Variants in MPP7 observed in about 807,000 individuals in gnomAD.
The protein encoded by MPP7 is MAGUK p55 scaffold protein 7.
A neutral mutation model predicts 76.5 loss-of-function variants in MPP7; 60 were observed. That is an observed-to-expected ratio of 0.78 (90% CI 0.64 to 0.97). The LOEUF (loss-of-function observed/expected upper bound fraction) is 0.97, where lower values mean the gene tolerates loss of function less well. Ranked by LOEUF, MPP7 falls within the 50% of genes least tolerant of loss-of-function variation. MPP7 has a pLI of 0.00. For synonymous variants in MPP7, 237 were observed against 244.5 expected (o/e 0.97, Z 0.29); for missense variants, 641 against 694.0 (o/e 0.92, Z 0.86).
intron 2 of MPP7, among the ~76,000 whole-genome samples, chr10:28,202,705 T>G (rs1837818709): frequency 6.6e-6 from 1 of 152,150 alleles, no homozygotes; most frequent in South Asian, 2.1e-4. Flanking sequence ...GGTTTTGTAG[T>G]GTCCAAATAG....
chr10:28,204,442 CAAAAAAAAA>C (rs35353394), intron 2 of MPP7, among the ~76,000 whole-genome samples: 3 of 95,026 alleles, frequency 3.2e-5, no homozygotes, highest in African/African-American at 1.1e-4. Context: ...AACTCCGTCT[CAAAAAAAAA>C]AAAAAAAAAA....
At chr10:28,111,116 T>C (rs781124150) in intron 11 of MPP7, among the ~76,000 whole-genome samples, 6 of 152,120 alleles carry the variant, frequency 3.9e-5, no homozygotes, top group Admixed American at 2.6e-4. Flanking sequence ...TACCTTTAAT[T>C]TCCTCTGAGA....
At chr10:28,329,531 A>AG (rs1196798090) in intron 2 of MPP7, among the ~76,000 whole-genome samples, 45 of 148,858 alleles carry the variant, frequency 3.0e-4, no homozygotes, top group African/African-American at 1.0e-3. Flanking sequence ...CGGGAGGCTG[A>AG]GGCAGGAGAA....
rs1835848349 is a variant in MPP7 at position 28,150,481 on chromosome 10, T to G, written c.157-422A>C. On this transcript the variant is annotated intron_variant, in intron 3 of 16. Transcript: ENST00000683449. ...TTATGATTAAAGCAAAGCAATAAAC[T>G]GTCAGCCACATTTTGGCAGGTTGGT... Among the ~76,000 whole-genome samples, 4 of 152,332 alleles carry G rather than the reference T, an allele frequency of 2.6e-5. No homozygotes were observed. In the South Asian group the frequency reaches 8.3e-4, roughly 32 times the overall value.
chr10:28,262,188 TATATATATATATATATATAC>T (rs1348888612), intron 1 of MPP7, among the ~76,000 whole-genome samples: 140 of 886 alleles, frequency 0.16, 7 homozygotes, highest in African/African-American at 0.24. Flanking sequence ...AAATAAATTA[TATATATATATATATATATAC>T]ATATATATAT....
chr10:28,296,419 C>T (rs1841036455), intron 1 of MPP7, among the ~76,000 whole-genome samples: 1 of 152,194 alleles, frequency 6.6e-6, no homozygotes, highest in Non-Finnish European at 1.5e-5. Flanking sequence ...ACACACACAC[C>T]CCAACCACTG....
At position 28,248,213 on chromosome 10, in the gene MPP7, G is replaced by T. The variant is rs146154123; in HGVS notation, c.-131-9478C>A. Among the ~76,000 whole-genome samples the T allele has an allele frequency of 2.1e-4, 32 of 152,224 alleles. 1 individual carries two copies. Among genetic ancestry groups the T allele is most frequent in the African/African-American group, 7.5e-4 (31 of 41,546 alleles). On this transcript the variant is annotated intron_variant, in intron 1 of 16. Transcript: ENST00000683449. ...CTCTTAGACTAACACACCCTGGAAT[G>T]AATCTATCTGATTAGGAGAACTTAC...
chr10:28,079,374 C>G (rs543821694), intron 12 of MPP7, among the ~76,000 whole-genome samples: 76 of 151,720 alleles, frequency 5.0e-4, no homozygotes, highest in African/African-American at 1.7e-3. Context: ...AGAAACAAGC[C>G]AGGTGCAGCA....
chr10:28,113,566 A>T (rs936968025), intron 11 of MPP7, among the ~76,000 whole-genome samples: 1 of 152,138 alleles, frequency 6.6e-6, no homozygotes, highest in African/African-American at 2.4e-5. Context: ...GAGAGAGGAC[A>T]TCTGGTCACA....
At chr10:28,272,195 C>T (rs1486966971) in intron 1 of MPP7, among the ~76,000 whole-genome samples, 1 of 152,108 alleles carries the variant, frequency 6.6e-6, no homozygotes, top group Non-Finnish European at 1.5e-5. Flanking sequence ...GACTATTCAC[C>T]CATCTTCAGC....
At chr10:28,254,119 A>C (rs1408032323) in intron 1 of MPP7, among the ~76,000 whole-genome samples, 1 of 151,876 alleles carries the variant, frequency 6.6e-6, no homozygotes, top group Non-Finnish European at 1.5e-5. Flanking sequence ...ACAATGTTTC[A>C]AAAGATTCTT....
Position 28,162,059 on chromosome 10 carries a change from G to A in MPP7, c.157-12000C>T, listed in dbSNP as rs1233864810. On this transcript the variant is annotated intron_variant, in intron 3 of 16. Transcript: ENST00000683449. ...TCTACTACTCTGAAATCCGGCTGAA[G>A]TTTCCTCTCAGATCAGCTATAACAA... Among the ~76,000 whole-genome samples, 5 of 152,282 alleles carry A rather than the reference G, an allele frequency of 3.3e-5. No individual in the cohort carries two copies. In the East Asian group the frequency reaches 9.6e-4, roughly 29 times the overall value.
At chr10:28,255,459 G>C (rs1839754599) in intron 1 of MPP7, among the ~76,000 whole-genome samples, 1 of 150,634 alleles carries the variant, frequency 6.6e-6, no homozygotes, top group African/African-American at 2.4e-5. Context: ...CTGTCACCCA[G>C]GTTGGAGTGC....
At chr10:28,057,231 C>T (rs1851589867) in intron 15 of MPP7, among the ~76,000 whole-genome samples, 1 of 152,180 alleles carries the variant, frequency 6.6e-6, no homozygotes, top group Middle Eastern at 3.2e-3. Flanking sequence ...CAGGACTGTC[C>T]CATTCACTGT....
intron 1 of MPP7, among the ~76,000 whole-genome samples, chr10:28,266,284 G>A (rs1840148488): frequency 2.0e-5 from 3 of 152,092 alleles, no homozygotes; most frequent in African/African-American, 4.8e-5. Context: ...CAGTTTAGAG[G>A]TTCAACAATT....
intron 2 of MPP7, among the ~76,000 whole-genome samples, chr10:28,205,577 C>T (rs1452031912): frequency 6.6e-6 from 1 of 152,106 alleles, no homozygotes; most frequent in Non-Finnish European, 1.5e-5. Context: ...ATGAATGAAA[C>T]ACTCCTCAAG....
chr10:28,278,356 T>C (rs1176817984), intron 1 of MPP7, among the ~76,000 whole-genome samples: 1 of 152,124 alleles, frequency 6.6e-6, no homozygotes, highest in African/African-American at 2.4e-5. Context: ...AAATTGCATA[T>C]GGAAGTTTCC....
intron 12 of MPP7, among the ~76,000 whole-genome samples, chr10:28,087,294 A>G (rs1265030399): frequency 3.9e-5 from 6 of 152,338 alleles, no homozygotes; most frequent in Admixed American, 2.0e-4. Flanking sequence ...ACTTCCAGCT[A>G]TTAGAACCAT....
At chr10:28,265,369 G>T (rs533320011) in intron 1 of MPP7, among the ~76,000 whole-genome samples, 1 of 152,230 alleles carries the variant, frequency 6.6e-6, no homozygotes, top group Non-Finnish European at 1.5e-5. Flanking sequence ...GACCAGCCTG[G>T]GGAACTTGGC....
Sources: allele counts gnomAD v4.1 joint callset (sites outside exome capture counted in the v4.1 genomes callset), GRCh38; gene constraint gnomAD v4.1.1; transcripts MANE v1.5; gene names NCBI Gene and HGNC (gene_info 2026-07-23, HGNC 2026-07-21).